The following ANKHD1 variants were observed in gnomAD, a reference collection of about 807,000 sequenced individuals.
The protein encoded by ANKHD1 is ankyrin repeat and KH domain containing 1, also known as ankyrin repeat and KH domain-containing protein 1.
In ANKHD1, 31 loss-of-function variants were observed where a neutral mutation model predicts 230.5. The observed-to-expected ratio is 0.13, with a 90% CI of 0.10 to 0.18. The LOEUF (loss-of-function observed/expected upper bound fraction) is 0.18, where lower values mean the gene tolerates loss of function less well. Among genes scored for constraint, ANKHD1 ranks in the 10% least tolerant of loss-of-function variants. ANKHD1 has a pLI of 1.00. For missense variants in ANKHD1, 2,256 were observed against 3,071.3 expected, an observed-to-expected ratio of 0.73 and a Z score of 6.27; for synonymous variants, 1,074 against 1,117.6, an observed-to-expected ratio of 0.96 and a Z score of 0.78.
chr5:140,520,940 A>AT (rs1229794366), intron 24 of ANKHD1, among the ~76,000 whole-genome samples: 1 of 151,964 alleles, frequency 6.6e-6, no homozygotes, highest in Non-Finnish European at 1.5e-5. Flanking sequence ...AAAAAAAAAA[A>AT]AAAAAGACTA....
rs893694629 is a variant in ANKHD1, at chr5:140,526,208, G to A, written c.4705G>A (p.Ala1569Thr). The A allele has an allele frequency of 6.2e-7, 1 of 1,614,110 alleles. No individual in the cohort carries two copies. The highest frequency in any genetic ancestry group is 1.3e-5 in the African/African-American group (1 of 75,036). Residue 1569 changes from alanine to threonine, a missense_variant, in exon 26 of 34, where the codon GCC becomes ACC. Coordinates refer to ENST00000360839, the MANE Select transcript of ANKHD1 (RefSeq NM_017747.3). ...LILPEQHMSL[A>T]QQKADKNKIN... ...TTTACCAGAACAACATATGTCTTTA[G>A]CCCAACAAAAGGCAGATAAAAATAA... is the stretch of plus-strand genomic sequence containing the variant.
intron 14 of ANKHD1, 86 bp downstream of exon 14, chr5:140,487,146 A>G: frequency 7.4e-7 from 1 of 1,356,674 alleles, no homozygotes; most frequent in South Asian, 1.6e-5. Context: ...ATACAGAGTT[A>G]CTGTGTACCC....
intron 15 of ANKHD1, among the ~76,000 whole-genome samples, chr5:140,501,577 A>G (rs1337535135): frequency 6.6e-6 from 1 of 151,720 alleles, no homozygotes; most frequent in African/African-American, 2.4e-5. Flanking sequence ...GTGAAACCTC[A>G]TCTCTACTAA....
intron 1 of ANKHD1, among the ~76,000 whole-genome samples, chr5:140,429,736 A>G (rs1772878537): frequency 6.6e-6 from 1 of 152,008 alleles, no homozygotes; most frequent in Non-Finnish European, 1.5e-5. Context: ...AGAGAAGTTA[A>G]TTAGTTATTG....
At chr5:140,456,073 G>GACAA (rs1181304598) in intron 7 of ANKHD1, among the ~76,000 whole-genome samples, 43 of 151,230 alleles carry the variant, frequency 2.8e-4, no homozygotes, top group African/African-American at 9.4e-4. Context: ...ACCAATAACA[G>GACAA]ACAGAGAGCC....
chr5:140,436,056 C>T (rs775774164), intron 1 of ANKHD1, 48 bp from the exon 2 acceptor site: 52 of 1,416,540 alleles, frequency 3.7e-5, no homozygotes, highest in Non-Finnish European at 4.4e-5. Context: ...TTATTCTAAT[C>T]ATATTGATAT....
At chr5:140,501,749 A>G (rs1437562655) in intron 15 of ANKHD1, among the ~76,000 whole-genome samples, 2 of 96,350 alleles carry the variant, frequency 2.1e-5, no homozygotes, top group East Asian at 3.8e-4. Context: ...ACTTCATCTC[A>G]AAAAAAAAAA....
chr5:140,528,552 A>T lies in ANKHD1; in HGVS notation c.5606A>T (p.His1869Leu). ...GCTCAAACTATGCAACAGATTCGGC[A>T]TCCTCGCTTACCCATGGCCCAGTTT... is the stretch of plus-strand genomic sequence containing the variant. ...LAAQTMQQIRHPRLPMAQFGG... is the reference protein window; with the variant it reads ...LAAQTMQQIRLPRLPMAQFGG... The change falls in exon 29 of 34, where the codon CAT (histidine) becomes CTT (leucine). Residue 1869 changes from histidine to leucine, a missense_variant. By Grantham distance (99) the His-to-Leu change is moderately conservative. Transcript: ENST00000360839. 1 of 1,614,206 alleles carries T rather than the reference A, an allele frequency of 6.2e-7. No homozygotes were observed. Among genetic ancestry groups the T allele is most frequent in the East Asian group, 2.2e-5 (1 of 44,894 alleles).
chr5:140,513,814 A>G (rs1379763629), intron 24 of ANKHD1, among the ~76,000 whole-genome samples: 1 of 151,676 alleles, frequency 6.6e-6, no homozygotes, highest in Admixed American at 6.6e-5. Flanking sequence ...CTCAAAAAAA[A>G]AAAAAAAAAG....
Position 140,496,931 on chromosome 5 carries a change from G to A in ANKHD1, c.2657G>A (p.Gly886Asp), listed in dbSNP as rs757278451. The A allele has an allele frequency of 1.5e-5, 24 of 1,614,052 alleles. No homozygotes were observed. In the Admixed American group the frequency reaches 3.7e-4, roughly 25 times the overall value. The stretch of plus-strand genomic sequence containing the variant: ...GTCTTCCCAGAAGGGGAAGGAGATG[G>A]TAGTCTCCCAGAGGATCACTTTTCA... ...RGVFPEGEGDGSLPEDHFSEL... is the reference protein window; with the variant it reads ...RGVFPEGEGDDSLPEDHFSEL... The change falls in exon 15 of 34, where the codon GGT (glycine) becomes GAT (aspartate). Residue 886 changes from glycine to aspartate, a missense_variant. By Grantham distance (94) the Gly-to-Asp change is moderately conservative (BLOSUM62 -1). This residue lies in a region of ANKHD1 where 358 missense variants were observed against 397.7 expected (regional missense o/e 0.90). Transcript: ENST00000360839.
intron 2 of ANKHD1, among the ~76,000 whole-genome samples, chr5:140,436,463 C>T (rs950253147): frequency 1.3e-5 from 2 of 151,980 alleles, no homozygotes; most frequent in South Asian, 2.1e-4. Flanking sequence ...AGATAATGAG[C>T]GTCCAGGCGC....
At chr5:140,525,923 C>A in intron 25 of ANKHD1, 73 bp from the exon 26 acceptor site, 1 of 1,463,172 alleles carries the variant, frequency 6.8e-7, no homozygotes, top group Non-Finnish European at 9.1e-7. Flanking sequence ...TATGAATTAT[C>A]AAATATATTC....
chr5:140,446,192 G>GTT (rs1258319312), intron 6 of ANKHD1, among the ~76,000 whole-genome samples: 3 of 151,936 alleles, frequency 2.0e-5, no homozygotes, highest in African/African-American at 7.3e-5. Context: ...GATTTATTGG[G>GTT]TTAACTGTGA....
intron 15 of ANKHD1, among the ~76,000 whole-genome samples, chr5:140,500,335 C>T (rs1752232311): frequency 6.6e-6 from 1 of 152,094 alleles, no homozygotes; most frequent in Admixed American, 6.6e-5. Flanking sequence ...CCTTTTCCCA[C>T]CTCTATTTTT....
In ANKHD1 at chr5:140,402,206, C is replaced by A; in HGVS notation, c.239C>A (p.Ala80Glu). The change falls in exon 1 of 34, where the codon GCG (alanine) becomes GAG (glutamate). Residue 80 changes from alanine (A) to glutamate (E), a missense_variant. Physicochemically the swap from Ala to Glu is moderately radical, Grantham distance 107. Transcript: ENST00000360839. ...GGDAALDFKL[A>E]AAVLRTGGGG... ...GACGCGGCGCTGGATTTCAAGTTGGCGGCTGCCGTGCTGAGGACCGGGGGT... is the reference window on the plus strand; with the variant it reads ...GACGCGGCGCTGGATTTCAAGTTGGAGGCTGCCGTGCTGAGGACCGGGGGT... The A allele has an allele frequency of 6.6e-7, 1 of 1,523,090 alleles. No individual in the cohort carries two copies. The allele number at this position is 1,523,090 out of a possible 1,614,324, so 94.3% of individuals were successfully genotyped here. A position where few individuals can be genotyped will look rare whatever the true frequency, so the allele number is the denominator to read the frequency against.
At chr5:140,450,607 A>G (rs890290562) in intron 7 of ANKHD1, among the ~76,000 whole-genome samples, 1 of 151,918 alleles carries the variant, frequency 6.6e-6, no homozygotes, top group Non-Finnish European at 1.5e-5. Context: ...TGGCACTGTC[A>G]TGGCTCATTA....
chr5:140,433,206 A>G (rs141699247), intron 1 of ANKHD1, among the ~76,000 whole-genome samples: 430 of 152,180 alleles, frequency 2.8e-3, no homozygotes, highest in African/African-American at 9.6e-3. Context: ...ATAGCTGATT[A>G]CAATCATGTG....
chr5:140,417,529 A>G (rs1342528660), intron 1 of ANKHD1, among the ~76,000 whole-genome samples: 1 of 151,878 alleles, frequency 6.6e-6, no homozygotes, highest in Non-Finnish European at 1.5e-5. Context: ...GCTTACTGCA[A>G]CCTCCACCTC....
chr5:140,449,176 T>C, intron 6 of ANKHD1, 35 bp from the exon 7 acceptor site: 1 of 1,562,454 alleles, frequency 6.4e-7, no homozygotes, highest in Non-Finnish European at 8.7e-7. Context: ...AAACTGATAG[T>C]GAATTCTTTT....
Sources: gnomAD v4.1 joint callset for allele counts (sites outside exome capture counted in the v4.1 genomes callset) on GRCh38, gnomAD v4.1.1 for gene constraint, gnomAD v4.1.1 regional missense constraint, MANE v1.5 for transcripts, NCBI Gene and HGNC (gene_info 2026-07-23, HGNC 2026-07-21) for gene names.